OR4K1: variants seen among roughly 807,000 people sequenced by gnomAD.
OR4K1 encodes the protein olfactory receptor 4K1.
In OR4K1, 16 loss-of-function variants were observed where a neutral mutation model predicts 14.4. The ratio of observed to expected loss-of-function variants is 1.11; its 90% CI spans 0.75 to 1.68. OR4K1 has a LOEUF of 1.68. OR4K1 is among the 40% of genes most tolerant of loss of function. The pLI, the probability that OR4K1 is intolerant of heterozygous loss-of-function variation, is 0.00. For synonymous variants in OR4K1, 181 were observed against 133.1 expected (o/e 1.36, Z -2.48); for missense variants, 548 against 376.9 (o/e 1.45, Z -3.76).
rs761049861 is a variant in OR4K1, at chr14:19,935,872, T to C, written c.206T>C (p.Ile69Thr). 2.5e-6 allele frequency: 4 copies of C among 1,614,154 alleles called. No homozygotes were observed. The highest frequency in any genetic ancestry group is 2.7e-5 in the African/African-American group (2 of 74,962). Reference sequence around the variant, plus strand: ...TTCTTGCTCAGTAATCTTTCTTTCATTGATATCTGTCAGTCTAACTTTGCC... The same window carrying C: ...TTCTTGCTCAGTAATCTTTCTTTCACTGATATCTGTCAGTCTAACTTTGCC... ...MYFLLSNLSFIDICQSNFATP... is the reference protein window; with the variant it reads ...MYFLLSNLSFTDICQSNFATP... The change falls in exon 2 of 2, where the codon ATT (isoleucine) becomes ACT (threonine). Residue 69 changes from isoleucine (I) to threonine (T), a missense_variant. By Grantham distance (89) the Ile-to-Thr change is moderately conservative. Transcript: ENST00000641172.
chr14:19,920,899 T>G, the OR4K1 span: 1 of 1,614,212 alleles, frequency 6.2e-7, no homozygotes, highest in Non-Finnish European at 8.5e-7. Flanking sequence ...AGTGGCTGCA[T>G]AGCCCAAATT....
chr14:19,921,818 C>T, the OR4K1 span, among the ~76,000 whole-genome samples: 7 of 152,170 alleles, frequency 4.6e-5, no homozygotes, highest in Admixed American at 6.6e-5. Context: ...AATATGTATG[C>T]ATTTACTGCT....
At chr14:19,930,047 C>A (rs538309705), upstream of OR4K1, among the ~76,000 whole-genome samples, 2 of 152,248 alleles carry the variant, frequency 1.3e-5, no homozygotes, top group South Asian at 4.1e-4. Context: ...CATACATATT[C>A]ATGTACAAAA....
At chr14:19,932,684 C>T (rs1285935405) in intron 1 of OR4K1, among the ~76,000 whole-genome samples, 2 of 152,240 alleles carry the variant, frequency 1.3e-5, no homozygotes, top group Non-Finnish European at 2.9e-5. Context: ...ATACAACTTA[C>T]TAGTAGTATA....
chr14:19,936,161 C>T lies in OR4K1; in HGVS notation c.495C>T (p.Asp165=), dbSNP rs756183901. The T allele has an allele frequency of 1.2e-6, 2 of 1,614,234 alleles. No individual in the cohort carries two copies. The highest frequency in any genetic ancestry group is 1.7e-6 in the Non-Finnish European group (2 of 1,180,036). The change falls in exon 2 of 2, where the codon GAC becomes GAT. Residue 165 remains aspartate (D), a synonymous_variant. Transcript: ENST00000641172. ...HSVSHLAFTV[D]LPFCGPNEVD... Reference sequence around the variant, plus strand: ...TGAGCCACTTGGCTTTTACAGTGGACCTGCCATTCTGTGGTCCCAATGAGG... The same window carrying T: ...TGAGCCACTTGGCTTTTACAGTGGATCTGCCATTCTGTGGTCCCAATGAGG...
At chr14:19,929,334 A>G (rs1380188259), upstream of OR4K1, among the ~76,000 whole-genome samples, 2 of 149,684 alleles carry the variant, frequency 1.3e-5, no homozygotes, top group African/African-American at 4.9e-5. Flanking sequence ...ATAATATAAT[A>G]TGTGCATTTT....
chr14:19,934,316 C>CTTT (rs1882254424), intron 1 of OR4K1, among the ~76,000 whole-genome samples: 2 of 152,236 alleles, frequency 1.3e-5, no homozygotes, highest in South Asian at 4.1e-4. Context: ...AATTTACTTA[C>CTTT]TAGTTAACTT....
rs1373269873 is a variant in OR4K1, at chr14:19,936,353, C to T, written c.687C>T (p.Ser229=). ...TTTTGATCGGTGTCCGATGCAGGTCCTCCAGTGGGTCATCTAAGGCTCTTT... is the reference window on the plus strand; with the variant it reads ...TTTTGATCGGTGTCCGATGCAGGTCTTCCAGTGGGTCATCTAAGGCTCTTT... ...TIILIGVRCR[S]SSGSSKALST... is the part of the protein sequence containing the mutation. The change falls in exon 2 of 2, where the codon TCC becomes TCT. Residue 229 remains serine (S), a synonymous_variant. Coordinates refer to ENST00000641172, the MANE Select transcript of OR4K1 (RefSeq NM_001004063.3). 6.2e-7 allele frequency: 1 copy of T among 1,614,142 alleles called. No homozygotes were observed. Among genetic ancestry groups the T allele is most frequent in the African/African-American group, 1.3e-5 (1 of 74,958 alleles).
rs759275504 is a variant in OR4K1 at position 19,936,209 on chromosome 14, T to G, written c.543T>G (p.Leu181=). ...AGGTGGATAGCTTCTTTTGTGACCT[T>G]CCCTTGGTGATAGAGCTGGCTTGCA... ...PNEVDSFFCD[L]PLVIELACMD... Residue 181 remains leucine, a synonymous_variant, in exon 2 of 2, where the codon CTT becomes CTG. Transcript: ENST00000641172. 1 of 1,614,250 alleles carries G rather than the reference T, an allele frequency of 6.2e-7. No individual in the cohort carries two copies. Among genetic ancestry groups the G allele is most frequent in the Non-Finnish European group, 8.5e-7 (1 of 1,180,040 alleles).
In OR4K1 at chr14:19,936,349, G is replaced by T; in HGVS notation, c.683G>T (p.Arg228Met). The T allele has an allele frequency of 3.1e-6, 5 of 1,614,244 alleles. No individual in the cohort carries two copies. Among genetic ancestry groups the T allele is most frequent in the Non-Finnish European group, 3.4e-6 (4 of 1,180,046 alleles). The stretch of plus-strand genomic sequence containing the variant: ...ATCATTTTGATCGGTGTCCGATGCA[G>T]GTCCTCCAGTGGGTCATCTAAGGCT... Reference protein sequence around the residue: ...YTIILIGVRCRSSSGSSKALS... With the variant: ...YTIILIGVRCMSSSGSSKALS... The change falls in exon 2 of 2, where the codon AGG (arginine) becomes ATG (methionine). Residue 228 changes from arginine to methionine, a missense_variant. Transcript: ENST00000641172.
rs1056775840 is a variant in OR4K1, at chr14:19,933,712, C to T, written c.-19-1936C>T. ...GGTTCAAGCGATTCTCCTGCCTCAG[C>T]CTCCCGAGTAGCTGGGACTACAAGT... On this transcript the variant is annotated intron_variant, in intron 1 of 1. Transcript: ENST00000641172. 7.9e-5 allele frequency among the ~76,000 whole-genome samples: 12 copies of T among 152,214 alleles called. No homozygotes were observed. The East Asian group carries it at 2.3e-3, about 29-fold the overall frequency.
At chr14:19,922,336 C>T in the OR4K1 span, among the ~76,000 whole-genome samples, 1 of 152,256 alleles carries the variant, frequency 6.6e-6, no homozygotes, top group Non-Finnish European at 1.5e-5. Context: ...CTGCCAGTGG[C>T]TTATGTTCAG....
At chr14:19,928,560 T>A (rs1379919639), upstream of OR4K1, among the ~76,000 whole-genome samples, 2 of 152,180 alleles carry the variant, frequency 1.3e-5, no homozygotes, top group African/African-American at 4.8e-5. Context: ...TTTCTCTAAA[T>A]AATAAATAGG....
the OR4K1 span, among the ~76,000 whole-genome samples, chr14:19,925,607 T>C: frequency 7.9e-5 from 12 of 152,364 alleles, no homozygotes; most frequent in East Asian, 2.3e-3. Flanking sequence ...TCCTGAGATC[T>C]CACAATTTAA....
At chr14:19,927,780 C>G (rs941285487), upstream of OR4K1, among the ~76,000 whole-genome samples, 1 of 152,194 alleles carries the variant, frequency 6.6e-6, no homozygotes, top group Non-Finnish European at 1.5e-5. Context: ...ATTCCTATTC[C>G]TGATGTGAGT....
upstream of OR4K1, among the ~76,000 whole-genome samples, chr14:19,927,158 C>A (rs937444180): frequency 2.6e-5 from 4 of 152,248 alleles, no homozygotes; most frequent in Non-Finnish European, 5.9e-5. Context: ...TCAAGTATTT[C>A]TGTGGCATTA....
upstream of OR4K1, among the ~76,000 whole-genome samples, chr14:19,930,633 G>A (rs58908328): frequency 9.5e-3 from 1,437 of 152,034 alleles, no homozygotes; most frequent in African/African-American, 0.031. Flanking sequence ...AGAGTTAGGA[G>A]TTGAATACCT....
At chr14:19,921,174 C>T in the OR4K1 span, 8 of 1,614,130 alleles carry the variant, frequency 5.0e-6, no homozygotes, top group South Asian at 7.7e-5. Flanking sequence ...ACTTGCCTGC[C>T]TGGACTCTTA....
At chr14:19,928,600 G>C (rs1224042009), upstream of OR4K1, among the ~76,000 whole-genome samples, 2 of 151,640 alleles carry the variant, frequency 1.3e-5, no homozygotes, top group African/African-American at 4.8e-5. Context: ...CATATTTTTT[G>C]CCTCTTAAAT....
Sources: allele counts gnomAD v4.1 joint callset (sites outside exome capture counted in the v4.1 genomes callset), GRCh38; gene constraint gnomAD v4.1.1; transcripts MANE v1.5; gene names NCBI Gene and HGNC (gene_info 2026-07-23, HGNC 2026-07-21).